LRMDA: variants seen among roughly 807,000 people sequenced by gnomAD.
LRMDA encodes leucine-rich melanocyte differentiation-associated protein.
A neutral mutation model predicts 29.8 loss-of-function variants in LRMDA; 18 were observed. The observed-to-expected ratio is 0.60, with a 90% confidence interval of 0.42 to 0.90. The LOEUF (loss-of-function observed/expected upper bound fraction) is 0.90, where lower values mean the gene tolerates loss of function less well. Ranked by LOEUF, LRMDA falls within the 40% of genes least tolerant of loss-of-function variation. LRMDA has a pLI of 0.00. For missense variants in LRMDA, 273 were observed against 273.9 expected (o/e 1.00, Z 0.02); for synonymous variants, 125 against 109.4 (o/e 1.14, Z -0.89).
At chr10:75,743,926 A>C (rs191588169) in intron 2 of LRMDA, among the ~76,000 whole-genome samples, 1 of 152,302 alleles carries the variant, frequency 6.6e-6, no homozygotes, top group Non-Finnish European at 1.5e-5. Flanking sequence ...AAAAAATTGG[A>C]ACATTTTTGG....
At chr10:75,770,333 C>G (rs1843223079) in intron 2 of LRMDA, among the ~76,000 whole-genome samples, 1 of 152,118 alleles carries the variant, frequency 6.6e-6, no homozygotes, top group African/African-American at 2.4e-5. Context: ...GAAAAAGTTT[C>G]ATGTATGGTG....
At chr10:76,025,963 A>G (rs1848056223) in intron 2 of LRMDA, among the ~76,000 whole-genome samples, 1 of 152,216 alleles carries the variant, frequency 6.6e-6, no homozygotes, top group East Asian at 1.9e-4. Context: ...TTGGCACTCA[A>G]TACATTTTTA....
chr10:75,826,982 CCT>C (rs534681713), intron 2 of LRMDA, among the ~76,000 whole-genome samples: 252 of 151,974 alleles, frequency 1.7e-3, no homozygotes, highest in African/African-American at 5.6e-3. Flanking sequence ...GTGATGATCC[CCT>C]GAGATCATTT....
At chr10:75,648,194 TA>T (rs1841552441) in intron 2 of LRMDA, among the ~76,000 whole-genome samples, 2 of 152,216 alleles carry the variant, frequency 1.3e-5, no homozygotes, top group Non-Finnish European at 1.5e-5. Context: ...TCTCTTTATT[TA>T]ACAGATGAGG....
chr10:76,318,905 T>C (rs1384651607), intron 5 of LRMDA: 2 of 152,170 alleles, frequency 1.3e-5, no homozygotes, highest in East Asian at 3.9e-4. Context: ...AGTCATGGTA[T>C]GTAGTTTTTT....
At chr10:76,470,279 A>G (rs1842604850) in intron 6 of LRMDA, 1 of 152,232 alleles carries the variant, frequency 6.6e-6, no homozygotes. Flanking sequence ...AAAGGTAATT[A>G]TATAATAATA....
chr10:76,396,344 G>A (rs1207278627), intron 6 of LRMDA, among the ~76,000 whole-genome samples: 3 of 152,196 alleles, frequency 2.0e-5, no homozygotes. Flanking sequence ...AAGGATCTGT[G>A]GTGATCGGGA....
intron 2 of LRMDA, among the ~76,000 whole-genome samples, chr10:75,714,234 A>T (rs1380889313): frequency 2.0e-5 from 3 of 152,198 alleles, no homozygotes; most frequent in Non-Finnish European, 4.4e-5. Context: ...GCTCCATGAG[A>T]CATATTTTCA....
chr10:75,452,544 A>G (rs1400942430), intron 2 of LRMDA, among the ~76,000 whole-genome samples: 3 of 144,166 alleles, frequency 2.1e-5, no homozygotes, highest in African/African-American at 7.7e-5. Context: ...TGTCTTACCC[A>G]AGGTTAAAAC....
At chr10:75,789,396 G>T (rs527730143) in intron 2 of LRMDA, among the ~76,000 whole-genome samples, 6 of 152,310 alleles carry the variant, frequency 3.9e-5, no homozygotes, top group Admixed American at 2.0e-4. Flanking sequence ...ACTGGGCCTT[G>T]AACATTACAT....
At chr10:76,000,911 T>C (rs1847551904) in intron 2 of LRMDA, among the ~76,000 whole-genome samples, 1 of 152,124 alleles carries the variant, frequency 6.6e-6, no homozygotes, top group Admixed American at 6.5e-5. Context: ...TAAGGGGTCT[T>C]CACATGCACC....
Position 75,731,924 on chromosome 10 carries a change from G to A in LRMDA, c.131+293430G>A, listed in dbSNP as rs566516246. Among the ~76,000 whole-genome samples the A allele has an allele frequency of 7.2e-5, 11 of 152,250 alleles. No individual in the cohort carries two copies. In the South Asian group the frequency reaches 1.9e-3, roughly 26 times the overall value. The stretch of plus-strand genomic sequence containing the variant: ...GAAGTATATGCATTAAATTCTAACA[G>A]GGATCATTTTGCCAAGTGCTATAGA... On this transcript the variant is annotated intron_variant, in intron 2 of 6. Transcript: ENST00000611255.
At chr10:75,764,826 G>T (rs546444670) in intron 2 of LRMDA, among the ~76,000 whole-genome samples, 50 of 152,262 alleles carry the variant, frequency 3.3e-4, no homozygotes, top group Middle Eastern at 3.4e-3. Flanking sequence ...GTGGTGGAAA[G>T]CAATCTGGTT....
Position 76,535,488 on chromosome 10 carries a change from C to G in LRMDA, c.602-21721C>G, listed in dbSNP as rs558913313. On this transcript the variant is annotated intron_variant, in intron 6 of 6. Transcript: ENST00000611255. The stretch of plus-strand genomic sequence containing the variant: ...AATAGGTCACTTAAATAGGACTCTT[C>G]TAATAGAAGAGAAGCCCATTATACA... 2.6e-5 allele frequency among the ~76,000 whole-genome samples: 4 copies of G among 152,142 alleles called. No homozygotes were observed. In the East Asian group the frequency reaches 7.7e-4, roughly 29 times the overall value.
intron 2 of LRMDA, among the ~76,000 whole-genome samples, chr10:75,518,977 G>A (rs1028083401): frequency 6.6e-6 from 1 of 152,164 alleles, no homozygotes; most frequent in African/African-American, 2.4e-5. Flanking sequence ...TAGTCATTCA[G>A]GAGCAGGTTG....
At chr10:75,717,126 G>A (rs903968694) in intron 2 of LRMDA, among the ~76,000 whole-genome samples, 1 of 152,200 alleles carries the variant, frequency 6.6e-6, no homozygotes, top group Non-Finnish European at 1.5e-5. Context: ...TGAGGTCTGG[G>A]CTAAGGGAAA....
chr10:76,052,366 G>A (rs193146884), intron 4 of LRMDA, among the ~76,000 whole-genome samples: 2 of 152,160 alleles, frequency 1.3e-5, no homozygotes, highest in African/African-American at 2.4e-5. Flanking sequence ...AACCCCATTC[G>A]CAGACCGTGG....
At chr10:75,560,481 A>G (rs1479548966) in intron 2 of LRMDA, among the ~76,000 whole-genome samples, 1 of 151,534 alleles carries the variant, frequency 6.6e-6, no homozygotes, top group Non-Finnish European at 1.5e-5. Flanking sequence ...ATCTGCAAAC[A>G]GGGACAATTT....
intron 2 of LRMDA, among the ~76,000 whole-genome samples, chr10:75,622,013 A>G (rs544134758): frequency 6.6e-6 from 1 of 152,310 alleles, no homozygotes; most frequent in African/African-American, 2.4e-5. Context: ...CGGGGGCCTC[A>G]GTATCTTTAA....
Sources: gnomAD v4.1 joint callset for allele counts (sites outside exome capture counted in the v4.1 genomes callset) on GRCh38, gnomAD v4.1.1 for gene constraint, MANE v1.5 for transcripts, NCBI Gene and HGNC (gene_info 2026-07-23, HGNC 2026-07-21) for gene names.